SFSWAP: variants seen among roughly 807,000 people sequenced by gnomAD.
SFSWAP encodes splicing factor, suppressor of white-apricot homolog.
SFSWAP carries 17 observed loss-of-function variants against 100.7 expected under a neutral mutation model. The ratio of observed to expected loss-of-function variants is 0.17; its 90% CI spans 0.12 to 0.25. SFSWAP has a LOEUF of 0.25. Ranked by LOEUF, SFSWAP falls within the 10% of genes least tolerant of loss-of-function variation. The pLI, the probability that SFSWAP is intolerant of heterozygous loss-of-function variation, is 1.00. For missense variants in SFSWAP, 1,005 were observed against 1,262.6 expected (o/e 0.80, Z 3.09); for synonymous variants, 504 against 510.1 (o/e 0.99, Z 0.16).
intron 7 of SFSWAP, among the ~76,000 whole-genome samples, chr12:131,743,788 G>A (rs865813929): frequency 6.6e-6 from 1 of 152,246 alleles, no homozygotes; most frequent in Non-Finnish European, 1.5e-5. Flanking sequence ...AAAGGTTCTC[G>A]ATGAGGGCCC....
chr12:131,740,434 T>C (rs1437698937), intron 7 of SFSWAP, among the ~76,000 whole-genome samples: 1 of 152,184 alleles, frequency 6.6e-6, no homozygotes, highest in East Asian at 1.9e-4. Flanking sequence ...CCCTTAACTT[T>C]TATTAACTTA....
intron 4 of SFSWAP, chr12:131,723,127 G>A (rs2136184892): frequency 6.6e-6 from 1 of 152,152 alleles, no homozygotes; most frequent in East Asian, 1.9e-4. Context: ...TATCGAATTT[G>A]TGCAGATTAG....
At position 131,730,509 on chromosome 12, in the gene SFSWAP, G is replaced by A. The variant is rs1566011869; in HGVS notation, c.1081+2081G>A. On this transcript the variant is annotated intron_variant, in intron 7 of 17. Coordinates refer to ENST00000261674, the MANE Select transcript of SFSWAP (RefSeq NM_004592.4). The surrounding 1 kb of genome is among the most constrained non-coding windows in gnomAD (Gnocchi z 4.0). ...ATGGTGGAGCCGGCTGGTAGTGGCC[G>A]TTCTGTGACACACAGCATCCCCTGG... Among the ~76,000 whole-genome samples the A allele has an allele frequency of 2.6e-5, 4 of 152,188 alleles. No individual in the cohort carries two copies. The highest frequency in any genetic ancestry group is 2.1e-4 in the South Asian group (1 of 4,830).
chr12:131,753,293 A>G lies in SFSWAP; in HGVS notation c.1252A>G (p.Thr418Ala), dbSNP rs754247700. The stretch of plus-strand genomic sequence containing the variant: ...GACCACCGCCCCACCACCTCCTGGG[A>G]CCACACCACTACCGCCCCCAACCAC... ...VTTTAPPPPG[T>A]TPLPPPTTAE... Residue 418 changes from threonine (T) to alanine (A), a missense_variant, in exon 8 of 18, where the codon ACC (threonine) becomes GCC (alanine). Around this residue, in one of 7 missense-constraint regions of SFSWAP, gnomAD observed 311 missense variants for 317.8 expected, o/e 0.98. Coordinates refer to ENST00000261674, the MANE Select transcript of SFSWAP (RefSeq NM_004592.4). 1 of 1,612,098 alleles carries G rather than the reference A, an allele frequency of 6.2e-7. No homozygotes were observed. The highest frequency in any genetic ancestry group is 1.7e-5 in the Admixed American group (1 of 59,986).
In SFSWAP at chr12:131,753,370, G is replaced by T. The variant is rs1352079479; in HGVS notation, c.1322+7G>T. 1.2e-6 allele frequency: 2 copies of T among 1,609,710 alleles called. No individual in the cohort carries two copies. The highest frequency in any genetic ancestry group is 1.7e-6 in the Non-Finnish European group (2 of 1,176,792). On this transcript the variant is annotated splice_region_variant and intron_variant, in intron 8 of 17. Transcript: ENST00000261674. Reference sequence around the variant, plus strand: ...CCACAACCACCACCACAAGGTAGGTGCAGCGTCCACCGCTGCCTGCTGTGT... The same window carrying T: ...CCACAACCACCACCACAAGGTAGGTTCAGCGTCCACCGCTGCCTGCTGTGT...
Position 131,768,299 on chromosome 12 carries a change from CCTTTCA to C in SFSWAP, c.2142+1996_2142+2001del, listed in dbSNP as rs1883291865. 1.3e-5 allele frequency among the ~76,000 whole-genome samples: 2 copies of C among 152,158 alleles called. 1 individual carries two copies. The highest frequency in any genetic ancestry group is 1.3e-4 in the Admixed American group (2 of 15,276). On this transcript the variant is annotated intron_variant, in intron 13 of 17. Coordinates refer to ENST00000261674, the MANE Select transcript of SFSWAP (RefSeq NM_004592.4). ...TTTTTTTCCCAAAGTACAGAATGAG[CCTTTCA>C]CTTTAATTATATTGACGTTTCTAAG... is the stretch of plus-strand genomic sequence containing the variant.
Position 131,734,182 on chromosome 12 carries a change from G to A in SFSWAP, c.1081+5754G>A, listed in dbSNP as rs996443062. Among the ~76,000 whole-genome samples, 1 of 152,238 alleles carries A rather than the reference G, an allele frequency of 6.6e-6. No individual in the cohort carries two copies. The highest frequency in any genetic ancestry group is 2.4e-5 in the African/African-American group (1 of 41,462). On this transcript the variant is annotated intron_variant, in intron 7 of 17. Coordinates refer to ENST00000261674, the MANE Select transcript of SFSWAP (RefSeq NM_004592.4). The surrounding 1 kb of genome is among the most constrained non-coding windows in gnomAD (Gnocchi z 4.9). ...TGGCACAGAGAGCGTGTTCATCGCTGGCTCCTGCCGCCCTCGAGGACTTGA... is the reference window on the plus strand; with the variant it reads ...TGGCACAGAGAGCGTGTTCATCGCTAGCTCCTGCCGCCCTCGAGGACTTGA...
At position 131,778,923 on chromosome 12, in the gene SFSWAP, G is replaced by A. The variant is rs1019055197; in HGVS notation, c.2408+593G>A. 3.9e-5 allele frequency among the ~76,000 whole-genome samples: 6 copies of A among 151,958 alleles called. No individual in the cohort carries two copies. Among genetic ancestry groups the A allele is most frequent in the South Asian group, 2.1e-4 (1 of 4,806 alleles). On this transcript the variant is annotated intron_variant, in intron 14 of 17. Coordinates refer to ENST00000261674, the MANE Select transcript of SFSWAP (RefSeq NM_004592.4). The surrounding 1 kb of genome is among the most constrained non-coding windows in gnomAD (Gnocchi z 4.2). ...CAAGCCTACCACATTTGCCGATTGT[G>A]TGAAAGATTCACAGGGTGGTGTGCT...
At chr12:131,749,545 C>T (rs1881429958) in intron 7 of SFSWAP, among the ~76,000 whole-genome samples, 1 of 152,164 alleles carries the variant, frequency 6.6e-6, no homozygotes, top group East Asian at 1.9e-4. Context: ...TCCCTGTGTC[C>T]TATAGTTGGT....
intron 4 of SFSWAP, among the ~76,000 whole-genome samples, chr12:131,720,360 A>G (rs1400231892): frequency 6.6e-6 from 1 of 152,248 alleles, no homozygotes; most frequent in African/African-American, 2.4e-5. Flanking sequence ...ATAAATAGCA[A>G]CTGGGAACGT....
chr12:131,743,316 G>A (rs1880826569), intron 7 of SFSWAP, among the ~76,000 whole-genome samples: 1 of 152,206 alleles, frequency 6.6e-6, no homozygotes, highest in Admixed American at 6.5e-5. Flanking sequence ...CTGCCTACCA[G>A]CCTATAAAAT....
Position 131,797,272 on chromosome 12 carries a change from CCCCGGCCCGCGGCCCCCGCGG to C in SFSWAP, c.2633_2653del (p.Arg878_Ala884del), listed in dbSNP as rs1885746097. 1 of 1,612,396 alleles carries C rather than the reference CCCCGGCCCGCGGCCCCCGCGG, an allele frequency of 6.2e-7. No homozygotes were observed. The highest frequency in any genetic ancestry group is 1.3e-5 in the African/African-American group (1 of 75,044). On this transcript the variant is annotated inframe_deletion, in exon 16 of 18. Coordinates refer to ENST00000261674, the MANE Select transcript of SFSWAP (RefSeq NM_004592.4). ...GGTGTCACCCAGCAAGCAGGCAGCG[CCCCGGCCCGCGGCCCCCGCGG>C]CCCACTCGGCGCACTCAGCCAGCGT... is the stretch of plus-strand genomic sequence containing the variant.
chr12:131,772,183 C>T (rs181804640), intron 13 of SFSWAP, among the ~76,000 whole-genome samples: 35 of 152,318 alleles, frequency 2.3e-4, no homozygotes, highest in East Asian at 3.9e-4. Context: ...ATCGATGCAA[C>T]GCATTCACTA....
chr12:131,793,477 C>T (rs768747076), intron 15 of SFSWAP, among the ~76,000 whole-genome samples: 7 of 151,848 alleles, frequency 4.6e-5, no homozygotes, highest in African/African-American at 1.5e-4. Flanking sequence ...TAATTCAGGG[C>T]GGATCAGAGA....
chr12:131,729,265 A>T (rs1228127583), intron 7 of SFSWAP, among the ~76,000 whole-genome samples: 1 of 152,120 alleles, frequency 6.6e-6, no homozygotes, highest in Non-Finnish European at 1.5e-5. Flanking sequence ...ACACTTTGGG[A>T]GGCTGAGGTG....
chr12:131,721,451 T>A (rs1366579486), intron 4 of SFSWAP, among the ~76,000 whole-genome samples: 1 of 152,212 alleles, frequency 6.6e-6, no homozygotes, highest in Admixed American at 6.5e-5. Flanking sequence ...ATATGTTTAT[T>A]ATGCATGAGA....
chr12:131,732,010 A>G (rs1879562337), intron 7 of SFSWAP, among the ~76,000 whole-genome samples: 1 of 146,778 alleles, frequency 6.8e-6, no homozygotes, highest in East Asian at 2.0e-4. Flanking sequence ...CCTGGGTTCA[A>G]GCGAGTCTCC....
chr12:131,785,457 C>A (rs1406421725), intron 14 of SFSWAP: 7 of 450,502 alleles, frequency 1.6e-5, no homozygotes, highest in Non-Finnish European at 2.4e-5. Flanking sequence ...AATCAAACCG[C>A]TCTTCTTTAT....
At chr12:131,717,487 T>A (rs1441335577) in intron 3 of SFSWAP, among the ~76,000 whole-genome samples, 2 of 152,206 alleles carry the variant, frequency 1.3e-5, no homozygotes, top group African/African-American at 4.8e-5. Context: ...TTTATTTAAA[T>A]CTGAGTTTGT....
Sources: gnomAD v4.1 joint callset for allele counts (sites outside exome capture counted in the v4.1 genomes callset) on GRCh38, gnomAD v4.1.1 for gene constraint, gnomAD v4.1.1 regional missense constraint, Gnocchi (gnomAD v3.1) non-coding constraint, MANE v1.5 for transcripts, NCBI Gene and HGNC (gene_info 2026-07-23, HGNC 2026-07-21) for gene names.